The following CAST variants were observed in gnomAD, a reference collection of about 807,000 sequenced individuals.
The protein encoded by CAST is calpastatin, also known as MIR583 host.
In CAST, 76 loss-of-function variants were observed where a neutral mutation model predicts 119.6. The ratio of observed to expected loss-of-function variants is 0.64; its 90% CI spans 0.53 to 0.77. The LOEUF is 0.77. Among genes scored for constraint, CAST ranks in the 30% least tolerant of loss-of-function variants. The pLI, the probability that CAST is intolerant of heterozygous loss-of-function variation, is 0.00. For missense variants in CAST, 953 were observed against 946.5 expected, an observed-to-expected ratio of 1.01 and a Z score of -0.09; for synonymous variants, 319 against 331.6, an observed-to-expected ratio of 0.96 and a Z score of 0.41.
chr5:96,491,490 C>CAAAAA, the CAST span, among the ~76,000 whole-genome samples: 504 of 56,698 alleles, frequency 8.9e-3, 47 homozygotes, highest in Middle Eastern at 0.012. Flanking sequence ...GACTCCATCT[C>CAAAAA]AAAAAAAAAA....
chr5:96,145,589 A>T, the CAST span, among the ~76,000 whole-genome samples: 3 of 152,186 alleles, frequency 2.0e-5, no homozygotes, highest in Admixed American at 2.0e-4. Context: ...CATTGCAAGG[A>T]GCCATGTTAA....
the CAST span, among the ~76,000 whole-genome samples, chr5:96,071,352 A>G: frequency 6.6e-6 from 1 of 152,052 alleles, no homozygotes; most frequent in African/African-American, 2.4e-5. Context: ...CTCTGTCTCC[A>G]GTCCCTTTCA....
At chr5:96,340,914 G>A in the CAST span, among the ~76,000 whole-genome samples, 1 of 152,252 alleles carries the variant, frequency 6.6e-6, no homozygotes, top group East Asian at 1.9e-4. Flanking sequence ...AATGATAATG[G>A]ACATGAAATA....
At chr5:96,398,147 T>A in the CAST span, among the ~76,000 whole-genome samples, 1 of 152,146 alleles carries the variant, frequency 6.6e-6, no homozygotes, top group Non-Finnish European at 1.5e-5. Context: ...TTCCAATACA[T>A]CTAGAAAGCA....
the CAST span, among the ~76,000 whole-genome samples, chr5:96,197,641 C>A: frequency 6.6e-6 from 1 of 152,092 alleles, no homozygotes; most frequent in Admixed American, 6.5e-5. Context: ...TTGCTATGTG[C>A]CAAGCATTGT....
chr5:96,142,727 T>TA, the CAST span, among the ~76,000 whole-genome samples: 1 of 152,144 alleles, frequency 6.6e-6, no homozygotes, highest in South Asian at 2.1e-4. Flanking sequence ...GGAAAATACT[T>TA]AAAAATGTAC....
the CAST span, among the ~76,000 whole-genome samples, chr5:96,409,451 A>G: frequency 6.6e-6 from 1 of 152,204 alleles, no homozygotes; most frequent in African/African-American, 2.4e-5. Flanking sequence ...GCTGAGGAAA[A>G]GGTTTGCGTA....
chr5:96,344,741 C>T, the CAST span, among the ~76,000 whole-genome samples: 2 of 152,146 alleles, frequency 1.3e-5, no homozygotes, highest in African/African-American at 2.4e-5. Flanking sequence ...CTAATACCTA[C>T]CAGGTGGATG....
At chr5:96,041,174 G>A in the CAST span, among the ~76,000 whole-genome samples, 2 of 152,044 alleles carry the variant, frequency 1.3e-5, no homozygotes, top group Admixed American at 1.3e-4. Flanking sequence ...ATGGGGTTGG[G>A]GGTGAAAAAG....
chr5:96,646,170 C>T (rs1317771352), intron 1 of CAST, among the ~76,000 whole-genome samples: 5 of 152,184 alleles, frequency 3.3e-5, no homozygotes, highest in African/African-American at 7.2e-5. Flanking sequence ...TATCCCACAT[C>T]GTTGAACTGG....
the CAST span, among the ~76,000 whole-genome samples, chr5:96,264,714 G>T: frequency 7.1e-3 from 1,080 of 152,284 alleles, 11 homozygotes; most frequent in African/African-American, 0.025. Context: ...TTGCACCTTC[G>T]TGACATAAAT....
chr5:96,019,258 C>T, the CAST span, among the ~76,000 whole-genome samples: 1 of 152,130 alleles, frequency 6.6e-6, no homozygotes, highest in Non-Finnish European at 1.5e-5. Flanking sequence ...GTTGTGTGTA[C>T]TGGGACATTG....
the CAST span, among the ~76,000 whole-genome samples, chr5:96,065,819 A>G: frequency 6.6e-6 from 1 of 152,152 alleles, no homozygotes; most frequent in Admixed American, 6.6e-5. Context: ...ATTCTAGGGC[A>G]ATTAACCCAC....
At chr5:96,083,129 T>G in the CAST span, among the ~76,000 whole-genome samples, 1 of 152,190 alleles carries the variant, frequency 6.6e-6, no homozygotes, top group Non-Finnish European at 1.5e-5. Context: ...ACAGGTAAAT[T>G]GAGATACTCA....
chr5:96,092,688 A>T, the CAST span, among the ~76,000 whole-genome samples: 5 of 152,190 alleles, frequency 3.3e-5, no homozygotes, highest in African/African-American at 4.8e-5. Context: ...CAACTTTCCT[A>T]ACTAATATTG....
At chr5:96,733,735 G>A (rs921828672) in intron 9 of CAST, among the ~76,000 whole-genome samples, 5 of 152,106 alleles carry the variant, frequency 3.3e-5, no homozygotes, top group Non-Finnish European at 4.4e-5. Flanking sequence ...AAATTAGCTG[G>A]GCATGGTGGC....
At chr5:96,358,843 A>G in the CAST span, among the ~76,000 whole-genome samples, 1 of 152,146 alleles carries the variant, frequency 6.6e-6, no homozygotes, top group Non-Finnish European at 1.5e-5. Context: ...GATGTCTCTT[A>G]GGTCTACTTG....
At chr5:96,219,999 G>A in the CAST span, among the ~76,000 whole-genome samples, 113 of 152,220 alleles carry the variant, frequency 7.4e-4, no homozygotes, top group Non-Finnish European at 1.4e-3. Context: ...GTTGCCCAAT[G>A]AACAGCCATT....
the CAST span, among the ~76,000 whole-genome samples, chr5:95,995,710 A>G: frequency 2.0e-4 from 31 of 152,222 alleles, no homozygotes; most frequent in African/African-American, 7.2e-4. Context: ...GCATTTACGT[A>G]TGATAAAGGG....
Sources: allele counts gnomAD v4.1 joint callset (sites outside exome capture counted in the v4.1 genomes callset), GRCh38; gene constraint gnomAD v4.1.1; transcripts MANE v1.5; gene names NCBI Gene and HGNC (gene_info 2026-07-23, HGNC 2026-07-21).